Variants in GSG1L observed in about 807,000 individuals in gnomAD.
GSG1L encodes germ cell-specific gene 1-like protein.
GSG1L carries 24 observed loss-of-function variants against 42.1 expected under a neutral mutation model. That is an observed-to-expected ratio of 0.57 (90% CI 0.41 to 0.80). The LOEUF is 0.80. Among genes scored for constraint, GSG1L ranks in the 30% least tolerant of loss-of-function variants. The pLI, the probability that GSG1L is intolerant of heterozygous loss-of-function variation, is 0.00. For missense variants in GSG1L, 445 were observed against 472.2 expected (o/e 0.94, Z 0.53); for synonymous variants, 215 against 203.5 (o/e 1.06, Z -0.48).
intron 1 of GSG1L, among the ~76,000 whole-genome samples, chr16:28,017,814 T>C (rs2085797187): frequency 6.6e-6 from 1 of 152,080 alleles, no homozygotes; most frequent in South Asian, 2.1e-4. Flanking sequence ...TATGTGGGTG[T>C]TAAAACTATC....
rs78182437 is a variant in GSG1L, at chr16:28,010,317, C to G, written c.350-47114G>C. On this transcript the variant is annotated intron_variant, in intron 1 of 6. Transcript: ENST00000447459. ...CCCCATTCAGGAGGGAGTCAACCACCAGAAACCCAGACCCCAAATGCAGAG... is the reference window on the plus strand; with the variant it reads ...CCCCATTCAGGAGGGAGTCAACCACGAGAAACCCAGACCCCAAATGCAGAG... 4.3e-4 allele frequency among the ~76,000 whole-genome samples: 65 copies of G among 152,252 alleles called. No individual in the cohort carries two copies. The East Asian group carries it at 6.8e-3, about 16-fold the overall frequency.
chr16:27,965,138 C>A (rs2085116120), intron 1 of GSG1L, among the ~76,000 whole-genome samples: 1 of 152,086 alleles, frequency 6.6e-6, no homozygotes. Flanking sequence ...CCTGCCTCAG[C>A]CTCCCGAGTA....
chr16:27,975,585 C>G (rs1034674433), intron 1 of GSG1L, among the ~76,000 whole-genome samples: 2 of 152,194 alleles, frequency 1.3e-5, no homozygotes, highest in African/African-American at 4.8e-5. Context: ...GTCCTGTGTG[C>G]ACTGTGGGCT....
chr16:28,010,980 G>A (rs749142889), intron 1 of GSG1L, among the ~76,000 whole-genome samples: 1 of 152,146 alleles, frequency 6.6e-6, no homozygotes, highest in Non-Finnish European at 1.5e-5. Flanking sequence ...TAGAGCTGAG[G>A]AGGGGCTCTG....
intron 5 of GSG1L, among the ~76,000 whole-genome samples, chr16:27,823,371 C>T (rs753500444): frequency 1.2e-4 from 18 of 152,094 alleles, no homozygotes; most frequent in African/African-American, 1.9e-4. Context: ...CGCCTTTCTT[C>T]GACAGCGCTG....
intron 2 of GSG1L, among the ~76,000 whole-genome samples, chr16:27,901,857 C>A (rs532473760): frequency 6.6e-6 from 1 of 152,254 alleles, no homozygotes; most frequent in Non-Finnish European, 1.5e-5. Context: ...TCCCTCCACA[C>A]TCCAGCCTCA....
At chr16:27,946,629 GAGAA>G (rs1264356066) in intron 2 of GSG1L, among the ~76,000 whole-genome samples, 6 of 40,214 alleles carry the variant, frequency 1.5e-4, no homozygotes, top group South Asian at 9.1e-4. Context: ...GAGAGAGAGA[GAGAA>G]AGAAAGAAAG....
At chr16:27,823,486 C>T (rs907724169) in intron 5 of GSG1L, among the ~76,000 whole-genome samples, 2 of 152,028 alleles carry the variant, frequency 1.3e-5, no homozygotes, top group African/African-American at 4.8e-5. Context: ...GGGAAAGGGA[C>T]AGTTTAATTT....
intron 1 of GSG1L, 84 bp downstream of exon 1, chr16:28,062,992 G>C (rs1047632712): frequency 1.6e-6 from 2 of 1,225,182 alleles, no homozygotes; most frequent in African/African-American, 3.2e-5. Context: ...GGAGGAGGGC[G>C]AACGGGTCCG....
Position 27,941,462 on chromosome 16 carries a change from G to T in GSG1L, c.397+21694C>A, listed in dbSNP as rs1020333279. On this transcript the variant is annotated intron_variant, in intron 2 of 6. Transcript: ENST00000447459. Reference sequence around the variant, plus strand: ...AAGGCGGGTGGATCACCTGAGTTCAGGAGTTCAAGAACAGCCTGGCCAACA... The same window carrying T: ...AAGGCGGGTGGATCACCTGAGTTCATGAGTTCAAGAACAGCCTGGCCAACA... 1.3e-4 allele frequency among the ~76,000 whole-genome samples: 19 copies of T among 147,806 alleles called. 1 individual carries two copies. Among genetic ancestry groups the T allele is most frequent in the Admixed American group, 5.5e-4 (8 of 14,530 alleles).
chr16:27,891,752 C>T (rs1015093047), intron 2 of GSG1L, among the ~76,000 whole-genome samples: 1 of 152,218 alleles, frequency 6.6e-6, no homozygotes, highest in South Asian at 2.1e-4. Context: ...GAATTACAAG[C>T]GTGAGCCACC....
At chr16:27,845,997 G>A (rs898939194) in intron 3 of GSG1L, among the ~76,000 whole-genome samples, 1 of 151,796 alleles carries the variant, frequency 6.6e-6, no homozygotes, top group Non-Finnish European at 1.5e-5. Flanking sequence ...CCACCTCCCA[G>A]GCTCAGTTGA....
chr16:27,928,706 C>T (rs891525866), intron 2 of GSG1L, among the ~76,000 whole-genome samples: 4 of 152,082 alleles, frequency 2.6e-5, no homozygotes, highest in South Asian at 2.1e-4. Flanking sequence ...GCCCAGGCCT[C>T]GGGAGAGGGA....
rs533357680 is a variant in GSG1L, at chr16:27,983,201, G to A, written c.350-19998C>T. On this transcript the variant is annotated intron_variant, in intron 1 of 6. Coordinates refer to ENST00000447459, the MANE Select transcript of GSG1L (RefSeq NM_001109763.2). ...AATACAAAAATTAGCTGGGCATGGCGGTGCATGCCTGTAGTCCCAGCTACT... is the reference window on the plus strand; with the variant it reads ...AATACAAAAATTAGCTGGGCATGGCAGTGCATGCCTGTAGTCCCAGCTACT... 1.4e-4 allele frequency among the ~76,000 whole-genome samples: 22 copies of A among 152,208 alleles called. No homozygotes were observed. The South Asian group carries it at 2.5e-3, about 17-fold the overall frequency.
intron 6 of GSG1L, among the ~76,000 whole-genome samples, chr16:27,801,691 A>C (rs2082884080): frequency 1.3e-5 from 2 of 152,148 alleles, no homozygotes; most frequent in African/African-American, 4.8e-5. Context: ...CCACATCCTC[A>C]GTACCCTGCC....
intron 1 of GSG1L, among the ~76,000 whole-genome samples, chr16:27,969,573 T>C (rs1204910665): frequency 2.0e-5 from 3 of 152,242 alleles, no homozygotes; most frequent in African/African-American, 7.2e-5. Flanking sequence ...TATCACAGAA[T>C]AATATTACAT....
At chr16:27,976,029 C>A (rs1038779759) in intron 1 of GSG1L, among the ~76,000 whole-genome samples, 1 of 152,184 alleles carries the variant, frequency 6.6e-6, no homozygotes, top group East Asian at 1.9e-4. Context: ...AATCTCAGCA[C>A]TTTTGGAGGC....
rs370642488 is a variant in GSG1L at position 27,987,759 on chromosome 16, C to T, written c.350-24556G>A. Among the ~76,000 whole-genome samples, 21 of 152,098 alleles carry T rather than the reference C, an allele frequency of 1.4e-4. No individual in the cohort carries two copies. In the South Asian group the frequency reaches 4.4e-3, roughly 32 times the overall value. The stretch of plus-strand genomic sequence containing the variant: ...GTCAGGAAATCGAGACCATCTTGGC[C>T]AACATGGTGAAACCCCGTCTCTACT... On this transcript the variant is annotated intron_variant, in intron 1 of 6. Coordinates refer to ENST00000447459, the MANE Select transcript of GSG1L (RefSeq NM_001109763.2).
intron 5 of GSG1L, among the ~76,000 whole-genome samples, chr16:27,815,723 AC>A (rs2083087305): frequency 6.6e-6 from 1 of 152,124 alleles, no homozygotes; most frequent in African/African-American, 2.4e-5. Context: ...CACATAATAT[AC>A]CTATTCTTCT....
Sources: gnomAD v4.1 joint callset for allele counts (sites outside exome capture counted in the v4.1 genomes callset) on GRCh38, gnomAD v4.1.1 for gene constraint, MANE v1.5 for transcripts, NCBI Gene and HGNC (gene_info 2026-07-23, HGNC 2026-07-21) for gene names.